CLHC1: variants seen among roughly 807,000 people sequenced by gnomAD.
The protein encoded by CLHC1 is clathrin heavy chain linker domain containing 1, also known as clathrin heavy chain linker domain-containing protein 1.
CLHC1 carries 72 observed loss-of-function variants against 69.5 expected under a neutral mutation model. The ratio of observed to expected loss-of-function variants is 1.04; its 90% CI spans 0.86 to 1.26. CLHC1 has a LOEUF of 1.26. CLHC1 is among the 50% of genes most tolerant of loss of function. The probability of loss-of-function intolerance (pLI) is 0.00; values close to 1 mark genes in which losing one functional copy is unlikely to be tolerated. For missense variants in CLHC1, 790 were observed against 679.3 expected, an observed-to-expected ratio of 1.16 and a Z score of -1.81; for synonymous variants, 223 against 224.3, an observed-to-expected ratio of 0.99 and a Z score of 0.05.
At position 55,175,241 on chromosome 2, in the gene CLHC1, C is replaced by G. The variant is rs1174536879; in HGVS notation, c.*549G>C. 2 of 152,304 alleles carry G rather than the reference C, an allele frequency of 1.3e-5. No homozygotes were observed. The highest frequency in any genetic ancestry group is 4.8e-5 in the African/African-American group (2 of 41,436). The allele number at this position is 152,304 out of a possible 1,614,324, so 9.4% of individuals were successfully genotyped here. A position where few individuals can be genotyped will look rare whatever the true frequency, so the allele number is the denominator to read the frequency against. The stretch of plus-strand genomic sequence containing the variant: ...CTCTAAGTAATAACATGCCAAGAGT[C>G]CCAGCTTTTATACTAGAAGCCTAAG... On this transcript the variant is annotated 3_prime_UTR_variant, in exon 13 of 13. Transcript: ENST00000401408.
intron 9 of CLHC1, among the ~76,000 whole-genome samples, chr2:55,205,402 C>CT (rs1672341637): frequency 1.3e-5 from 2 of 149,570 alleles, no homozygotes; most frequent in Non-Finnish European, 3.0e-5. Flanking sequence ...AAAGAAAATA[C>CT]ACACACACAC....
At chr2:55,202,691 G>A (rs2103880573) in intron 9 of CLHC1, among the ~76,000 whole-genome samples, 1 of 152,236 alleles carries the variant, frequency 6.6e-6, no homozygotes, top group East Asian at 1.9e-4. Flanking sequence ...GAGGTCAGGA[G>A]TTCAAGACCA....
intron 2 of CLHC1, among the ~76,000 whole-genome samples, chr2:55,223,044 C>G (rs1451337323): frequency 6.6e-6 from 1 of 151,934 alleles, no homozygotes. Flanking sequence ...CAACTCCTCT[C>G]ACATGTATCA....
chr2:55,177,155 G>A (rs1002352747), intron 12 of CLHC1, among the ~76,000 whole-genome samples: 1 of 152,200 alleles, frequency 6.6e-6, no homozygotes, highest in Non-Finnish European at 1.5e-5. Flanking sequence ...TTACAGGGGT[G>A]AGCCACTGCA....
intron 9 of CLHC1, among the ~76,000 whole-genome samples, chr2:55,187,805 G>A (rs1253197146): frequency 1.3e-5 from 2 of 151,998 alleles, no homozygotes; most frequent in Non-Finnish European, 2.9e-5. Context: ...CAGAGGAAAA[G>A]ACTGATAAAT....
intron 2 of CLHC1, among the ~76,000 whole-genome samples, chr2:55,223,068 T>C (rs73936962): frequency 0.027 from 4,125 of 152,196 alleles, 153 homozygotes; most frequent in African/African-American, 0.091. Context: ...AATCGATGGT[T>C]TCTTATGTAT....
intron 9 of CLHC1, among the ~76,000 whole-genome samples, chr2:55,193,605 T>C (rs983429693): frequency 2.0e-5 from 3 of 152,118 alleles, no homozygotes; most frequent in Non-Finnish European, 4.4e-5. Flanking sequence ...TTCACACTTA[T>C]TAGAAAGTCT....
intron 9 of CLHC1, among the ~76,000 whole-genome samples, chr2:55,192,842 T>C (rs1031885021): frequency 4.6e-5 from 7 of 151,294 alleles, no homozygotes; most frequent in African/African-American, 1.5e-4. Flanking sequence ...ATCATGTATC[T>C]GAATGTGTAA....
rs1675478968 is a variant in CLHC1, at chr2:55,232,219, C to G, written c.-256+4G>C. ...CCGGAAACCATTATTCCGCTTCATC[C>G]TACCTCCAGTCCTCACCTGAGTCCT... On this transcript the variant is annotated splice_donor_region_variant and intron_variant, in intron 1 of 12. Coordinates refer to ENST00000401408, the MANE Select transcript of CLHC1 (RefSeq NM_152385.4). 1 of 166,978 alleles carries G rather than the reference C, an allele frequency of 6.0e-6. No individual in the cohort carries two copies. Among genetic ancestry groups the G allele is most frequent in the Non-Finnish European group, 1.3e-5 (1 of 75,204 alleles). The allele number at this position is 166,978 out of a possible 1,614,324, so 10.3% of individuals were successfully genotyped here. A position where few individuals can be genotyped will look rare whatever the true frequency, so the allele number is the denominator to read the frequency against.
At chr2:55,183,094 C>G (rs1176953820) in intron 9 of CLHC1, among the ~76,000 whole-genome samples, 1 of 152,120 alleles carries the variant, frequency 6.6e-6, no homozygotes, top group East Asian at 1.9e-4. Context: ...CACTGTAAAG[C>G]TGCCTAGTGA....
At chr2:55,222,976 C>T (rs62135101) in intron 2 of CLHC1, among the ~76,000 whole-genome samples, 47,399 of 149,392 alleles carry the variant, frequency 0.32, 7,749 homozygotes, top group African/African-American at 0.38. Flanking sequence ...TGCTGCTGCT[C>T]TGGGACAGAA....
At chr2:55,215,865 G>GA (rs946865494) in intron 4 of CLHC1, 4 of 151,662 alleles carry the variant, frequency 2.6e-5, no homozygotes, top group African/African-American at 4.8e-5. Context: ...GAAGATTTTT[G>GA]AAAAAATGTA....
In CLHC1 at chr2:55,174,647, C is replaced by T. The variant is rs1669226167; in HGVS notation, c.*1143G>A. On this transcript the variant is annotated 3_prime_UTR_variant, in exon 13 of 13. Coordinates refer to ENST00000401408, the MANE Select transcript of CLHC1 (RefSeq NM_152385.4). ...GACCAGAATTTTAATATGAAGCTGT[C>T]TGACTCCCCGTTCATCTTCTTTCCA... 6.6e-6 allele frequency: 1 copy of T among 152,202 alleles called. No homozygotes were observed. Among genetic ancestry groups the T allele is most frequent in the South Asian group, 2.1e-4 (1 of 4,824 alleles). The allele number at this position is 152,202 out of a possible 1,614,324, so 9.4% of individuals were successfully genotyped here. A position where few individuals can be genotyped will look rare whatever the true frequency, so the allele number is the denominator to read the frequency against.
intron 9 of CLHC1, among the ~76,000 whole-genome samples, chr2:55,195,618 A>G (rs1671339590): frequency 6.6e-6 from 1 of 152,088 alleles, no homozygotes; most frequent in Admixed American, 6.6e-5. Context: ...CCTGGCCAAC[A>G]TGGTGAAACC....
At chr2:55,186,358 C>T (rs896007722) in intron 9 of CLHC1, among the ~76,000 whole-genome samples, 1 of 152,158 alleles carries the variant, frequency 6.6e-6, no homozygotes, top group African/African-American at 2.4e-5. Context: ...ATCAGTCACA[C>T]AAATCAAAGC....
chr2:55,178,088 C>A (rs1558440772), intron 11 of CLHC1, among the ~76,000 whole-genome samples: 1 of 152,150 alleles, frequency 6.6e-6, no homozygotes, highest in East Asian at 1.9e-4. Context: ...AACCTGAATT[C>A]TAATCATAGC....
chr2:55,230,871 C>T (rs975165244), intron 1 of CLHC1, among the ~76,000 whole-genome samples: 6 of 152,018 alleles, frequency 3.9e-5, no homozygotes, highest in South Asian at 4.1e-4. Context: ...GTTCAGACAA[C>T]GGAAGGGAAA....
In CLHC1 at chr2:55,181,565, C is replaced by T. The variant is rs774755197; in HGVS notation, c.1181+5G>A. 14 of 1,582,302 alleles carry T rather than the reference C, an allele frequency of 8.8e-6. No homozygotes were observed. The highest frequency in any genetic ancestry group is 1.2e-5 in the Non-Finnish European group (14 of 1,167,240). On this transcript the variant is annotated splice_donor_5th_base_variant and intron_variant, in intron 10 of 12. Transcript: ENST00000401408. ...AAATTAAGTTAAAAGCTTAACTTTG[C>T]TTACCTTTCCTGTGTAACCCAATTG...
Position 55,180,574 on chromosome 2 carries a change from C to G in CLHC1, c.1320G>C (p.Leu440Phe), listed in dbSNP as rs139842042. The G allele has an allele frequency of 7.4e-4, 1,196 of 1,614,106 alleles. 8 individuals are homozygous for G. The African/African-American group carries it at 0.014, about 19-fold the overall frequency. ...CCCTATGAGTCTGACCCTGTTTACA[C>G]AAGCAAAGAATAGCTTTCTTGTGCA... ...CGLHKKAILCLCKQGQTHRVM... is the reference protein window; with the variant it reads ...CGLHKKAILCFCKQGQTHRVM... The change falls in exon 11 of 13, where the codon TTG becomes TTC. Residue 440 changes from leucine (L) to phenylalanine (F), a missense_variant. By Grantham distance (22) the Leu-to-Phe change is conservative (BLOSUM62 0). Coordinates refer to ENST00000401408, the MANE Select transcript of CLHC1 (RefSeq NM_152385.4).
Sources: gnomAD v4.1 joint callset for allele counts (sites outside exome capture counted in the v4.1 genomes callset) on GRCh38, gnomAD v4.1.1 for gene constraint, MANE v1.5 for transcripts, NCBI Gene and HGNC (gene_info 2026-07-23, HGNC 2026-07-21) for gene names.